CHD8: variants seen among roughly 807,000 people sequenced by gnomAD.
The protein encoded by CHD8 is chromodomain helicase DNA binding protein 8.
In CHD8, 31 loss-of-function variants were observed where a neutral mutation model predicts 279.2. The observed-to-expected ratio is 0.11, with a 90% CI of 0.08 to 0.15. CHD8 has a LOEUF of 0.15. CHD8 is among the 10% of genes least tolerant of loss of function. CHD8 has a pLI of 1.00. For synonymous variants in CHD8, 1,081 were observed against 1,139.6 expected, an observed-to-expected ratio of 0.95 and a Z score of 1.04; for missense variants, 2,146 against 3,230.5, an observed-to-expected ratio of 0.66 and a Z score of 8.14.
intron 36 of CHD8, 64 bp downstream of exon 36, chr14:21,391,399 T>A (rs912410374): frequency 3.1e-5 from 46 of 1,478,636 alleles, no homozygotes; most frequent in Non-Finnish European, 4.3e-5. Flanking sequence ...TGCTTTCTCT[T>A]TCTCATGCAG....
At chr14:21,447,038 G>T (rs1890139548) in intron 1 of CHD8, among the ~76,000 whole-genome samples, 1 of 152,190 alleles carries the variant, frequency 6.6e-6, no homozygotes, top group South Asian at 2.1e-4. Flanking sequence ...TCCAGTTGAA[G>T]GTGTGTGGGA....
intron 5 of CHD8, among the ~76,000 whole-genome samples, chr14:21,423,983 T>C (rs923433913): frequency 6.6e-6 from 1 of 152,206 alleles, no homozygotes; most frequent in Non-Finnish European, 1.5e-5. Context: ...TCTCAACCAC[T>C]ATGCTGTTCA....
chr14:21,405,780 G>T lies in CHD8; in HGVS notation c.2992C>A (p.Gln998Lys). The T allele has an allele frequency of 1.2e-6, 2 of 1,613,950 alleles. No individual in the cohort carries two copies. The highest frequency in any genetic ancestry group is 1.1e-5 in the South Asian group (1 of 91,082). ...AGAAACTCTGATTCTGAGGGAAATT[G>T]TGACGGTTCCAAGAAATGAAGCAAG... ...FSLLHFLEPS[Q>K]FPSESEFLKD... is the part of the protein sequence containing the mutation. Residue 998 changes from glutamine to lysine, a missense_variant, in exon 15 of 38, where the codon CAA becomes AAA. By Grantham distance (53) the Gln-to-Lys change is moderately conservative. Around this residue, in one of 26 missense-constraint regions of CHD8, gnomAD observed 211 missense variants for 464.7 expected, o/e 0.45. Transcript: ENST00000646647. This position sits in a 1 kb window ranked among gnomAD's most constrained non-coding sequence, Gnocchi z 4.2.
chr14:21,415,228 T>G (rs1888661625), intron 7 of CHD8: 1 of 483,876 alleles, frequency 2.1e-6, no homozygotes. Context: ...CAGTTCCTGT[T>G]TTCTAGCTAA....
intron 27 of CHD8, chr14:21,397,393 T>C (rs1309456628): frequency 3.9e-6 from 2 of 517,344 alleles, no homozygotes; most frequent in Non-Finnish European, 7.7e-6. Flanking sequence ...TGGCAACTCA[T>C]CATTGGGACA....
In CHD8 at chr14:21,408,975, T is replaced by C; in HGVS notation, c.2365-150A>G. The C allele has an allele frequency of 9.3e-6, 8 of 856,368 alleles. No individual in the cohort carries two copies. The highest frequency in any genetic ancestry group is 8.7e-6 in the Non-Finnish European group (5 of 571,894). 53.0% of individuals were successfully genotyped at this position (856,368 alleles called of 1,614,324 possible). On this transcript the variant is annotated intron_variant, in intron 11 of 37. Transcript: ENST00000646647. This position sits in a 1 kb window ranked among gnomAD's most constrained non-coding sequence, Gnocchi z 4.3. ...TATTTAAATTTATGAGTTCATAACG[T>C]TACTTTATGGGTCCATAATGATCAC...
At chr14:21,399,799 T>G (rs1336948096) in intron 25 of CHD8, 94 bp from the exon 26 acceptor site, 1 of 990,066 alleles carries the variant, frequency 1.0e-6, no homozygotes, top group African/African-American at 1.6e-5. Flanking sequence ...CCTGTATCCA[T>G]TAATTTAAAT....
Position 21,392,549 on chromosome 14 carries a change from G to A in CHD8, c.6729C>T (p.Arg2243=), listed in dbSNP as rs765854470. Residue 2243 remains arginine (R), a synonymous_variant, in exon 34 of 38, where the codon CGC becomes CGT. Transcript: ENST00000646647. ...STAAAQFTKL[R]RGMDEKEFTV... ...TAAACTCCTTTTCATCCATGCCTCG[G>A]CGAAGTTTGGTGAACTGGGCTGCCG... 3 of 1,613,094 alleles carry A rather than the reference G, an allele frequency of 1.9e-6. No individual in the cohort carries two copies. Among genetic ancestry groups the A allele is most frequent in the African/African-American group, 2.7e-5 (2 of 74,890 alleles).
chr14:21,389,193 G>A (rs1007178958), intron 37 of CHD8, among the ~76,000 whole-genome samples: 4 of 152,026 alleles, frequency 2.6e-5, no homozygotes, highest in South Asian at 2.1e-4. Context: ...CCAGCTACTC[G>A]GGAGGCTGAG....
At chr14:21,437,360 G>C (rs1049601085) in intron 1 of CHD8, 16 of 803,796 alleles carry the variant, frequency 2.0e-5, no homozygotes, top group South Asian at 1.3e-4. Context: ...AGCGCAAAGG[G>C]TGGGACTATA....
Position 21,393,821 on chromosome 14 carries a change from G to C in CHD8, c.5974C>G (p.Arg1992Gly), listed in dbSNP as rs752329547. Residue 1992 changes from arginine (R) to glycine (G), a missense_variant, in exon 32 of 38, where the codon CGC becomes GGC. Arg to Gly is a moderately radical substitution (Grantham distance 125). This residue lies in a region of CHD8 where 513 missense variants were observed against 637.6 expected (regional missense o/e 0.80). Transcript: ENST00000646647. ...TPLLHQQYTS[R>G]TASPLPLRPD... Reference sequence around the variant, plus strand: ...CGCAGGGGCAGTGGTGAGGCAGTGCGTGAGGTATACTGCTGGTGCAGCAGT... The same window carrying C: ...CGCAGGGGCAGTGGTGAGGCAGTGCCTGAGGTATACTGCTGGTGCAGCAGT... The C allele has an allele frequency of 6.2e-7, 1 of 1,613,864 alleles. No homozygotes were observed. The highest frequency in any genetic ancestry group is 1.3e-5 in the African/African-American group (1 of 74,932).
At chr14:21,441,724 T>TA in intron 1 of CHD8, among the ~76,000 whole-genome samples, 1 of 151,558 alleles carries the variant, frequency 6.6e-6, no homozygotes, top group Non-Finnish European at 1.5e-5. Flanking sequence ...CCGTCTCTAC[T>TA]AAAAATACAA....
chr14:21,403,055 T>C lies in CHD8; in HGVS notation c.3676A>G (p.Ile1226Val). The part of the protein sequence containing the change: ...INLTAADTCI[I>V]FDSDWNPQND... ...TGTGGATTCCAGTCTGAATCAAAGA[T>C]GATGCAGGTATCAGCAGCTGTAAGA... Residue 1226 changes from isoleucine to valine, a missense_variant, in exon 18 of 38, where the codon ATC becomes GTC. Ile to Val is a conservative substitution (Grantham distance 29). Around this residue, in one of 26 missense-constraint regions of CHD8, gnomAD observed 48 missense variants for 135.7 expected, o/e 0.35. Transcript: ENST00000646647. This position sits in a 1 kb window ranked among gnomAD's most constrained non-coding sequence, Gnocchi z 4.3. 6.2e-7 allele frequency: 1 copy of C among 1,614,034 alleles called. No individual in the cohort carries two copies. Among genetic ancestry groups the C allele is most frequent in the Non-Finnish European group, 8.5e-7 (1 of 1,179,908 alleles).
At chr14:21,414,244 C>T in intron 9 of CHD8, 57 bp downstream of exon 9, 1 of 874,240 alleles carries the variant, frequency 1.1e-6, no homozygotes, top group Non-Finnish European at 1.9e-6. Context: ...AGGCTGACAA[C>T]CCCAGTAATT....
In CHD8 at chr14:21,400,330, G is replaced by A. The variant is rs756705588; in HGVS notation, c.4571-23C>T. The A allele has an allele frequency of 2.5e-5, 40 of 1,612,696 alleles. No homozygotes were observed. The highest frequency in any genetic ancestry group is 3.4e-5 in the Non-Finnish European group (40 of 1,179,548). Reference sequence around the variant, plus strand: ...GACCTGGGAAAGGGGAGACATCAAAGACTTGGATTGAGAAAAACCCTTGGA... The same window carrying A: ...GACCTGGGAAAGGGGAGACATCAAAAACTTGGATTGAGAAAAACCCTTGGA... On this transcript the variant is annotated intron_variant, in intron 23 of 37. Coordinates refer to ENST00000646647, the MANE Select transcript of CHD8 (RefSeq NM_001170629.2). This position sits in a 1 kb window ranked among gnomAD's most constrained non-coding sequence, Gnocchi z 4.2.
Position 21,427,993 on chromosome 14 carries a change from G to A in CHD8, c.1477C>T (p.Arg493Trp), listed in dbSNP as rs774630592. The A allele has an allele frequency of 4.7e-5, 76 of 1,613,890 alleles. No homozygotes were observed. The highest frequency in any genetic ancestry group is 5.8e-5 in the Non-Finnish European group (68 of 1,179,898). The change falls in exon 4 of 38, where the codon CGG becomes TGG. Residue 493 changes from arginine to tryptophan, a missense_variant. Physicochemically the swap from Arg to Trp is moderately radical, Grantham distance 101 (BLOSUM62 -3). Around this residue, in one of 26 missense-constraint regions of CHD8, gnomAD observed 123 missense variants for 169.2 expected, o/e 0.73. Transcript: ENST00000646647. ...TTCTTCTCGCCTTCCTCCTCTGGCCGAACGCTGGGCAACTCGTCCTCATTT... is the reference window on the plus strand; with the variant it reads ...TTCTTCTCGCCTTCCTCCTCTGGCCAAACGCTGGGCAACTCGTCCTCATTT... ...VLNEDELPSV[R>W]PEEEGEKKRR... is the part of the protein sequence containing the mutation.
Position 21,403,729 on chromosome 14 carries a change from A to G in CHD8, c.3308-66T>C. ...CCATATTAAGGTTGTAGTCTATTTAACTAAGAAAGCAAAAGGAAAAAAATG... is the reference window on the plus strand; with the variant it reads ...CCATATTAAGGTTGTAGTCTATTTAGCTAAGAAAGCAAAAGGAAAAAAATG... On this transcript the variant is annotated intron_variant, in intron 16 of 37. Coordinates refer to ENST00000646647, the MANE Select transcript of CHD8 (RefSeq NM_001170629.2). This position sits in a 1 kb window ranked among gnomAD's most constrained non-coding sequence, Gnocchi z 4.3. 2.3e-6 allele frequency: 3 copies of G among 1,311,068 alleles called. No homozygotes were observed. The highest frequency in any genetic ancestry group is 3.2e-6 in the Non-Finnish European group (3 of 937,336). The allele number at this position is 1,311,068 out of a possible 1,614,324, so 81.2% of individuals were successfully genotyped here. A position where few individuals can be genotyped will look rare whatever the true frequency, so the allele number is the denominator to read the frequency against.
At chr14:21,406,777 A>G in intron 14 of CHD8, 79 bp downstream of exon 14, 1 of 1,299,078 alleles carries the variant, frequency 7.7e-7, no homozygotes. Flanking sequence ...CTTCTCTGCT[A>G]AACTAGGGTT....
chr14:21,385,412 T>G lies in CHD8; in HGVS notation c.*201A>C. On this transcript the variant is annotated 3_prime_UTR_variant, in exon 38 of 38. Transcript: ENST00000646647. ...CCAGAAATGAGGAAGTGGTCATGTATTATTTTAGGAGTTCCCCTGCCCACC... is the reference window on the plus strand; with the variant it reads ...CCAGAAATGAGGAAGTGGTCATGTAGTATTTTAGGAGTTCCCCTGCCCACC... 5.1e-6 allele frequency: 4 copies of G among 783,354 alleles called. No homozygotes were observed. The highest frequency in any genetic ancestry group is 7.7e-6 in the Non-Finnish European group (4 of 518,846). The allele number at this position is 783,354 out of a possible 1,614,324, so 48.5% of individuals were successfully genotyped here.
Sources: allele counts gnomAD v4.1 joint callset (sites outside exome capture counted in the v4.1 genomes callset), GRCh38; gene constraint gnomAD v4.1.1; regional missense constraint gnomAD v4.1.1; non-coding constraint Gnocchi (gnomAD v3.1); transcripts MANE v1.5; gene names NCBI Gene and HGNC (gene_info 2026-07-23, HGNC 2026-07-21).